The following GPC5 variants were observed in gnomAD, a reference collection of about 807,000 sequenced individuals.
GPC5 encodes the protein glypican 5, also known as glypican-5.
In GPC5, 47 loss-of-function variants were observed where a neutral mutation model predicts 53.9. That is an observed-to-expected ratio of 0.87 (90% CI 0.69 to 1.11). GPC5 has a LOEUF of 1.11. Ranked by LOEUF, GPC5 falls within the 50% of genes most tolerant of loss-of-function variation. The pLI, the probability that GPC5 is intolerant of heterozygous loss-of-function variation, is 0.00. For missense variants in GPC5, 748 were observed against 713.1 expected, an observed-to-expected ratio of 1.05 and a Z score of -0.56; for synonymous variants, 286 against 263.3, an observed-to-expected ratio of 1.09 and a Z score of -0.84.
At chr13:92,202,479 T>C (rs2042302391) in intron 7 of GPC5, among the ~76,000 whole-genome samples, 1 of 152,214 alleles carries the variant, frequency 6.6e-6, no homozygotes, top group Non-Finnish European at 1.5e-5. Flanking sequence ...TTCAAAAGCA[T>C]GTGAAGCATT....
At chr13:92,774,384 G>T (rs1047233774) in intron 7 of GPC5, among the ~76,000 whole-genome samples, 2 of 152,138 alleles carry the variant, frequency 1.3e-5, no homozygotes, top group Non-Finnish European at 2.9e-5. Context: ...ATCACTTTCT[G>T]TATTCAGGGT....
chr13:92,177,347 G>C (rs191457200), intron 7 of GPC5, among the ~76,000 whole-genome samples: 34 of 152,070 alleles, frequency 2.2e-4, no homozygotes, highest in Non-Finnish European at 4.4e-4. Flanking sequence ...TAAATTATGT[G>C]GATTATATTT....
chr13:92,280,866 G>A (rs2042909730), intron 7 of GPC5, among the ~76,000 whole-genome samples: 1 of 152,096 alleles, frequency 6.6e-6, no homozygotes, highest in African/African-American at 2.4e-5. Flanking sequence ...TGAGGTACCG[G>A]GTTCATCTCA....
chr13:92,550,861 A>C (rs1882287980), intron 7 of GPC5, among the ~76,000 whole-genome samples: 1 of 151,890 alleles, frequency 6.6e-6, no homozygotes, highest in Admixed American at 6.6e-5. Flanking sequence ...ACATATGCCC[A>C]TCTGTTTTTA....
rs556084797 is a variant in GPC5, at chr13:92,360,637, G to T, written c.1561+215648G>T. ...TGGAAGTCTTGATCAGAGCAATCAG[G>T]CAGGATAAAGAAAAAAATGGCATCC... On this transcript the variant is annotated intron_variant, in intron 7 of 7. Transcript: ENST00000377067. Among the ~76,000 whole-genome samples, 25 of 151,562 alleles carry T rather than the reference G, an allele frequency of 1.6e-4. 1 individual carries two copies. Among genetic ancestry groups the T allele is most frequent in the African/African-American group, 6.1e-4 (25 of 40,954 alleles).
At chr13:92,605,774 C>CA (rs1201705868) in intron 7 of GPC5, among the ~76,000 whole-genome samples, 1 of 150,008 alleles carries the variant, frequency 6.7e-6, no homozygotes, top group African/African-American at 2.5e-5. Context: ...ACTAGTTTTA[C>CA]AAAAATACAC....
At chr13:92,611,285 G>C (rs150410310) in intron 7 of GPC5, among the ~76,000 whole-genome samples, 31 of 152,198 alleles carry the variant, frequency 2.0e-4, no homozygotes, top group African/African-American at 7.2e-4. Context: ...AAGAAAAAGA[G>C]GACTTTCACT....
At chr13:92,147,674 A>G (rs1367105395) in intron 7 of GPC5, among the ~76,000 whole-genome samples, 1 of 152,014 alleles carries the variant, frequency 6.6e-6, no homozygotes, top group Non-Finnish European at 1.5e-5. Flanking sequence ...AATTTGGGCG[A>G]TTTAAGAGAG....
At chr13:91,966,126 T>C (rs1228241249) in intron 6 of GPC5, among the ~76,000 whole-genome samples, 1 of 152,168 alleles carries the variant, frequency 6.6e-6, no homozygotes, top group Non-Finnish European at 1.5e-5. Context: ...AAGCCAGTGG[T>C]GTTTTTTAAG....
chr13:92,866,662 CCTT>C lies in GPC5; in HGVS notation c.*227_*229del, dbSNP rs1566451818. On this transcript the variant is annotated 3_prime_UTR_variant, in exon 8 of 8. Transcript: ENST00000377067. ...TGTCTTTTTTCAATCTAACTGAAAA[CCTT>C]CTTAACTTCTAATATATTAAATCTG... The C allele has an allele frequency of 3.0e-6, 1 of 331,344 alleles. No individual in the cohort carries two copies. The highest frequency in any genetic ancestry group is 8.3e-4 in the Middle Eastern group (1 of 1,212). The allele number at this position is 331,344 out of a possible 1,614,324, so 20.5% of individuals were successfully genotyped here. A position where few individuals can be genotyped will look rare whatever the true frequency, so the allele number is the denominator to read the frequency against.
At chr13:92,675,272 T>G (rs2139213064) in intron 7 of GPC5, among the ~76,000 whole-genome samples, 1 of 152,284 alleles carries the variant, frequency 6.6e-6, no homozygotes, top group Admixed American at 6.5e-5. Context: ...TATTCTTTAA[T>G]TTGTCTCTTA....
chr13:91,891,936 G>A (rs2039391074), intron 5 of GPC5, among the ~76,000 whole-genome samples: 1 of 151,930 alleles, frequency 6.6e-6, no homozygotes, highest in Non-Finnish European at 1.5e-5. Context: ...CAAAACTGTG[G>A]GTGACAAAAA....
chr13:92,768,806 C>A (rs1206678729), intron 7 of GPC5, among the ~76,000 whole-genome samples: 1 of 151,448 alleles, frequency 6.6e-6, no homozygotes, highest in African/African-American at 2.4e-5. Context: ...CCTGCCTGGT[C>A]CACCCTCTCC....
intron 2 of GPC5, among the ~76,000 whole-genome samples, chr13:91,464,512 C>T (rs1432903372): frequency 6.6e-6 from 1 of 152,008 alleles, no homozygotes; most frequent in Non-Finnish European, 1.5e-5. Flanking sequence ...TGTGTTATGT[C>T]CATATCGTGG....
At chr13:92,165,869 T>C (rs1375994977) in intron 7 of GPC5, among the ~76,000 whole-genome samples, 1 of 152,210 alleles carries the variant, frequency 6.6e-6, no homozygotes, top group Non-Finnish European at 1.5e-5. Flanking sequence ...TTGCCAATTT[T>C]TGGCACAGAT....
chr13:92,008,287 C>T (rs1348973012), intron 6 of GPC5, among the ~76,000 whole-genome samples: 1 of 152,018 alleles, frequency 6.6e-6, no homozygotes, highest in African/African-American at 2.4e-5. Flanking sequence ...TGGTCTGGAT[C>T]TCCTGACCTC....
At chr13:92,564,029 TAA>T (rs970644952) in intron 7 of GPC5, among the ~76,000 whole-genome samples, 2 of 151,994 alleles carry the variant, frequency 1.3e-5, no homozygotes, top group Non-Finnish European at 2.9e-5. Context: ...ACATCCCAGT[TAA>T]AGAGAAAAGT....
intron 6 of GPC5, among the ~76,000 whole-genome samples, chr13:92,092,643 T>C (rs2041389957): frequency 1.3e-5 from 2 of 152,168 alleles, no homozygotes; most frequent in Admixed American, 6.5e-5. Flanking sequence ...TGAGGTTAAA[T>C]TTTTATAAAG....
intron 7 of GPC5, among the ~76,000 whole-genome samples, chr13:92,578,968 G>T (rs1883277213): frequency 6.6e-6 from 1 of 152,084 alleles, no homozygotes; most frequent in Admixed American, 6.6e-5. Flanking sequence ...AATTCAAATG[G>T]AAGACTAGGA....
Sources: gnomAD v4.1 joint callset for allele counts (sites outside exome capture counted in the v4.1 genomes callset) on GRCh38, gnomAD v4.1.1 for gene constraint, MANE v1.5 for transcripts, NCBI Gene and HGNC (gene_info 2026-07-23, HGNC 2026-07-21) for gene names.